The following KMT2E variants were observed in gnomAD, a reference collection of about 807,000 sequenced individuals.
KMT2E encodes histone reader KMT2E.
A neutral mutation model predicts 184.6 loss-of-function variants in KMT2E; 30 were observed. The ratio of observed to expected loss-of-function variants is 0.16; its 90% CI spans 0.12 to 0.22. KMT2E has a LOEUF of 0.22. Ranked by LOEUF, KMT2E falls within the 10% of genes least tolerant of loss-of-function variation. KMT2E has a pLI of 1.00. For synonymous variants in KMT2E, 815 were observed against 776.5 expected, an observed-to-expected ratio of 1.05 and a Z score of -0.82; for missense variants, 2,023 against 2,237.4, an observed-to-expected ratio of 0.90 and a Z score of 1.93.
At chr7:105,098,271 C>T (rs533083088) in intron 15 of KMT2E, among the ~76,000 whole-genome samples, 1 of 149,794 alleles carries the variant, frequency 6.7e-6, no homozygotes, top group South Asian at 2.1e-4. Context: ...CAGGGCCTCG[C>T]TCTGTTGCCC....
chr7:105,082,595 G>T lies in KMT2E; in HGVS notation c.1358+798G>T, dbSNP rs566513194. Among the ~76,000 whole-genome samples, 7 of 152,278 alleles carry T rather than the reference G, an allele frequency of 4.6e-5. No homozygotes were observed. In the South Asian group the frequency reaches 1.5e-3, roughly 32 times the overall value. On this transcript the variant is annotated intron_variant, in intron 13 of 26. Coordinates refer to ENST00000311117, the MANE Select transcript of KMT2E (RefSeq NM_182931.3). ...TCATGTTGAGTAGGCTGAGGAGGAA[G>T]GGTGGGGGTTGCTCTTGCTGTCTCA...
intron 13 of KMT2E, among the ~76,000 whole-genome samples, chr7:105,086,681 C>T (rs921483748): frequency 4.7e-5 from 7 of 150,352 alleles, no homozygotes; most frequent in South Asian, 2.1e-4. Context: ...GCCAATATTG[C>T]GCCACTGCAC....
chr7:105,024,003 A>G (rs568355725), intron 1 of KMT2E, among the ~76,000 whole-genome samples: 1 of 152,282 alleles, frequency 6.6e-6, no homozygotes, highest in East Asian at 1.9e-4. Context: ...AAAAACACTT[A>G]GACTTTCATT....
At chr7:105,028,714 G>A (rs556519568) in intron 1 of KMT2E, among the ~76,000 whole-genome samples, 2 of 151,668 alleles carry the variant, frequency 1.3e-5, no homozygotes, top group East Asian at 2.0e-4. Context: ...ATGTTGTCCA[G>A]GGTGGTCTCT....
chr7:105,110,421 TC>T (rs1799169388), intron 24 of KMT2E, 53 bp downstream of exon 24: 4 of 1,614,078 alleles, frequency 2.5e-6, no homozygotes, highest in Non-Finnish European at 3.4e-6. Flanking sequence ...TCACTCTGCA[TC>T]CTCGTTCTTT....
At chr7:105,045,698 C>T (rs1205209101) in intron 3 of KMT2E, among the ~76,000 whole-genome samples, 3 of 152,156 alleles carry the variant, frequency 2.0e-5, no homozygotes, top group African/African-American at 2.4e-5. Context: ...CATCTCTTGA[C>T]GTACACTTGG....
rs755109365 is a variant in KMT2E at position 105,112,927 on chromosome 7, C to G, written c.5171C>G (p.Ser1724Cys). 1.3e-5 allele frequency: 21 copies of G among 1,613,728 alleles called. No individual in the cohort carries two copies. Among genetic ancestry groups the G allele is most frequent in the African/African-American group, 4.0e-5 (3 of 74,782 alleles). The change falls in exon 27 of 27, where the codon TCC (serine) becomes TGC (cysteine). Residue 1724 changes from serine to cysteine, a missense_variant. Ser to Cys is a moderately radical substitution (Grantham distance 112). Around this residue, in one of 8 missense-constraint regions of KMT2E, gnomAD observed 1,108 missense variants for 1,050.9 expected, o/e 1.05. Transcript: ENST00000311117. ...APPPPPPPPP[S>C]SVLASGHHTT... The stretch of plus-strand genomic sequence containing the variant: ...CCACCACCCCCTCCGCCGCCACCTT[C>G]CAGTGTTTTGGCTTCTGGGCATCAT...
intron 3 of KMT2E, among the ~76,000 whole-genome samples, chr7:105,053,852 G>C (rs1257044272): frequency 6.6e-6 from 1 of 152,124 alleles, no homozygotes; most frequent in Non-Finnish European, 1.5e-5. Context: ...TCCAGCTTGG[G>C]TGACAGAGTA....
chr7:105,026,383 T>G (rs975012164), intron 1 of KMT2E, among the ~76,000 whole-genome samples: 3 of 152,196 alleles, frequency 2.0e-5, no homozygotes, highest in African/African-American at 7.2e-5. Flanking sequence ...CGTGTGAGAT[T>G]TAAATTCTTT....
At chr7:105,097,232 T>C (rs1798446237) in intron 15 of KMT2E, among the ~76,000 whole-genome samples, 1 of 152,220 alleles carries the variant, frequency 6.6e-6, no homozygotes, top group Non-Finnish European at 1.5e-5. Context: ...GGTGACAGGA[T>C]TTGAGATGTT....
intron 3 of KMT2E, among the ~76,000 whole-genome samples, chr7:105,048,389 A>C (rs1172423415): frequency 6.6e-6 from 1 of 152,076 alleles, no homozygotes; most frequent in Non-Finnish European, 1.5e-5. Context: ...TATTCAGCCA[A>C]ATGAAGGATT....
At chr7:105,028,360 G>T (rs1339114128) in intron 1 of KMT2E, among the ~76,000 whole-genome samples, 1 of 152,086 alleles carries the variant, frequency 6.6e-6, no homozygotes, top group Non-Finnish European at 1.5e-5. Context: ...TGGAGACTGG[G>T]TTTCCCACAT....
rs534031280 is a variant in KMT2E at position 105,070,933 on chromosome 7, T to C, written c.498-2686T>C. ...AGCAAGTTAGACTTGAAGTCAAATA[T>C]ATAAAGGAAAGTATTCTGTCACTCT... On this transcript the variant is annotated intron_variant, in intron 6 of 26. Coordinates refer to ENST00000311117, the MANE Select transcript of KMT2E (RefSeq NM_182931.3). 6.0e-4 allele frequency among the ~76,000 whole-genome samples: 91 copies of C among 152,334 alleles called. 1 individual carries two copies. In the South Asian group the frequency reaches 0.017, roughly 28 times the overall value.
chr7:105,098,562 C>T (rs1443534178), intron 15 of KMT2E, among the ~76,000 whole-genome samples: 1 of 152,116 alleles, frequency 6.6e-6, no homozygotes, highest in African/African-American at 2.4e-5. Flanking sequence ...CGTGCCACAC[C>T]TGGCTAATTT....
chr7:105,108,227 C>A (rs1442248425), intron 22 of KMT2E, among the ~76,000 whole-genome samples: 1 of 152,086 alleles, frequency 6.6e-6, no homozygotes. Context: ...ACCAAAAACA[C>A]AGACTTGAAT....
In KMT2E at chr7:105,105,968, G is replaced by A. The variant is rs1798880951; in HGVS notation, c.2561G>A (p.Ser854Asn). 1 of 1,612,532 alleles carries A rather than the reference G, an allele frequency of 6.2e-7. No individual in the cohort carries two copies. Among genetic ancestry groups the A allele is most frequent in the East Asian group, 2.2e-5 (1 of 44,862 alleles). The change falls in exon 19 of 27, where the codon AGT (serine) becomes AAT (asparagine). Residue 854 changes from serine to asparagine, a missense_variant. Physicochemically the swap from Ser to Asn is conservative, Grantham distance 46 (BLOSUM62 1). This residue lies in a region of KMT2E where 514 missense variants were observed against 621.8 expected (regional missense o/e 0.83). Transcript: ENST00000311117. Reference sequence around the variant, plus strand: ...CCTGCAGTCAATGGTGAAAATAAAAGTCCACTACTATTAAATGACAGCTGT... The same window carrying A: ...CCTGCAGTCAATGGTGAAAATAAAAATCCACTACTATTAAATGACAGCTGT... ...RSPAVNGENKSPLLLNDSCSL... is the reference protein window; with the variant it reads ...RSPAVNGENKNPLLLNDSCSL...
rs550264037 is a variant in KMT2E, at chr7:105,053,106, G to A, written c.72-9058G>A. ...ATATATAAATAGTCTTTAAAAATTGGCATGATTTCAGTATATTGAATGCTA... is the reference window on the plus strand; with the variant it reads ...ATATATAAATAGTCTTTAAAAATTGACATGATTTCAGTATATTGAATGCTA... On this transcript the variant is annotated intron_variant, in intron 3 of 26. Coordinates refer to ENST00000311117, the MANE Select transcript of KMT2E (RefSeq NM_182931.3). Among the ~76,000 whole-genome samples, 5 of 152,230 alleles carry A rather than the reference G, an allele frequency of 3.3e-5. 1 individual carries two copies. The highest frequency in any genetic ancestry group is 7.4e-5 in the Non-Finnish European group (5 of 68,026).
chr7:105,112,790 C>CCG lies in KMT2E; in HGVS notation c.5035_5036insGC (p.Pro1679ArgfsTer34). 1 of 1,573,214 alleles carries CCG rather than the reference C, an allele frequency of 6.4e-7. No individual in the cohort carries two copies. On this transcript the variant is annotated frameshift_variant, in exon 27 of 27. Coordinates refer to ENST00000311117, the MANE Select transcript of KMT2E (RefSeq NM_182931.3). LOFTEE classifies it high-confidence loss of function. ...CTCAAACTGCTGGACACCACTTACC[C>CCG]CCACCCCCACCCCCTCCTGGTCCTG... is the stretch of plus-strand genomic sequence containing the variant.
chr7:105,014,809 G>C (rs975395649), intron 1 of KMT2E, among the ~76,000 whole-genome samples: 1 of 152,110 alleles, frequency 6.6e-6, no homozygotes, highest in African/African-American at 2.4e-5. Context: ...AGTTAGGGAG[G>C]GGGCGCACTC....
Sources: gnomAD v4.1 joint callset for allele counts (sites outside exome capture counted in the v4.1 genomes callset) on GRCh38, gnomAD v4.1.1 for gene constraint, gnomAD v4.1.1 regional missense constraint, MANE v1.5 for transcripts, NCBI Gene and HGNC (gene_info 2026-07-23, HGNC 2026-07-21) for gene names.